NPSR1: variants seen among roughly 807,000 people sequenced by gnomAD.
NPSR1 encodes neuropeptide S receptor 1, also known as neuropeptide S receptor.
Under a neutral mutation model 46.9 loss-of-function variants are expected in NPSR1, and 48 were observed. That is an observed-to-expected ratio of 1.02 (90% confidence interval 0.81 to 1.30). The LOEUF is 1.30. Ranked by LOEUF, NPSR1 falls within the 50% of genes most tolerant of loss-of-function variation. The probability of loss-of-function intolerance (pLI) is 0.00; values close to 1 mark genes in which losing one functional copy is unlikely to be tolerated. For missense variants in NPSR1, 450 were observed against 449.5 expected (o/e 1.00, Z -0.01); for synonymous variants, 176 against 168.1 (o/e 1.05, Z -0.36).
intron 8 of NPSR1, among the ~76,000 whole-genome samples, chr7:34,863,510 C>A (rs1791237527): frequency 6.6e-6 from 1 of 151,718 alleles, no homozygotes; most frequent in Admixed American, 6.6e-5. Flanking sequence ...CCAGAATCTA[C>A]AAAGAACTTA....
intron 3 of NPSR1, among the ~76,000 whole-genome samples, chr7:34,789,883 A>G (rs774013563): frequency 6.6e-6 from 1 of 152,094 alleles, no homozygotes; most frequent in Non-Finnish European, 1.5e-5. Flanking sequence ...TCAGTAATAA[A>G]ATGTTTCCAT....
chr7:34,725,418 G>A (rs1169698431), intron 2 of NPSR1, among the ~76,000 whole-genome samples: 1 of 152,214 alleles, frequency 6.6e-6, no homozygotes, highest in African/African-American at 2.4e-5. Context: ...GTTGGTAAGT[G>A]TTGGTTTTGA....
chr7:34,684,659 C>G lies in NPSR1; in HGVS notation c.255C>G (p.Phe85Leu). ...GAAAGAAGAAGTCAAGAATGACCTTCTTTGTGACTCAGCTGGCCATCACAG... is the reference window on the plus strand; with the variant it reads ...GAAAGAAGAAGTCAAGAATGACCTTGTTTGTGACTCAGCTGGCCATCACAG... ...WRRKKKSRMTFFVTQLAITDS... is the reference protein window; with the variant it reads ...WRRKKKSRMTLFVTQLAITDS... The change falls in exon 2 of 9, where the codon TTC (phenylalanine) becomes TTG (leucine). Residue 85 changes from phenylalanine (F) to leucine (L), a missense_variant. By Grantham distance (22) the Phe-to-Leu change is conservative. Coordinates refer to ENST00000360581, the MANE Select transcript of NPSR1 (RefSeq NM_207172.2). 1 of 1,612,706 alleles carries G rather than the reference C, an allele frequency of 6.2e-7. No homozygotes were observed. Among genetic ancestry groups the G allele is most frequent in the Non-Finnish European group, 8.5e-7 (1 of 1,179,488 alleles).
intron 8 of NPSR1, among the ~76,000 whole-genome samples, chr7:34,875,983 A>G (rs1791566035): frequency 6.6e-6 from 1 of 152,138 alleles, no homozygotes; most frequent in South Asian, 2.1e-4. Context: ...CTCCTTGGAC[A>G]CACTGCAAGG....
chr7:34,791,160 A>ATATATGTTATATATTATATATAATATGT (rs1787840566), intron 3 of NPSR1, among the ~76,000 whole-genome samples: 3 of 102,406 alleles, frequency 2.9e-5, no homozygotes, highest in African/African-American at 9.9e-5. Context: ...GTTATATATT[A>ATATATGTTATATATTATATATAATATGT]TATATGTTAT....
intron 2 of NPSR1, among the ~76,000 whole-genome samples, chr7:34,740,811 C>T (rs1049687540): frequency 6.6e-5 from 10 of 152,106 alleles, no homozygotes; most frequent in Admixed American, 3.3e-4. Flanking sequence ...TGGGTTCTCT[C>T]GGCTTTCCTG....
intron 2 of NPSR1, among the ~76,000 whole-genome samples, chr7:34,703,302 C>T (rs1329483962): frequency 6.6e-6 from 1 of 152,180 alleles, no homozygotes; most frequent in Non-Finnish European, 1.5e-5. Context: ...ACCCGGGAAG[C>T]GGAGCTCGCA....
rs34203443 is a variant in NPSR1 at position 34,733,418 on chromosome 7, TAAAAAAA to T, written c.281-45034_281-45028del. Among the ~76,000 whole-genome samples the T allele has an allele frequency of 9.5e-4, 125 of 131,780 alleles. 1 individual carries two copies. Among genetic ancestry groups the T allele is most frequent in the African/African-American group, 3.5e-3 (122 of 34,860 alleles). The allele number at this position is 131,780 out of a possible 152,430, so 86.5% of individuals were successfully genotyped here. A position where few individuals can be genotyped will look rare whatever the true frequency, so the allele number is the denominator to read the frequency against. ...TGGGTAACAAAGCAAGATTTTGTCT[TAAAAAAA>T]AAAAAAAAAGAAAAAGAAAAAGAAA... On this transcript the variant is annotated intron_variant, in intron 2 of 8. Coordinates refer to ENST00000360581, the MANE Select transcript of NPSR1 (RefSeq NM_207172.2).
chr7:34,767,312 T>G (rs1301273472), intron 2 of NPSR1, among the ~76,000 whole-genome samples: 1 of 152,176 alleles, frequency 6.6e-6, no homozygotes, highest in Non-Finnish European at 1.5e-5. Context: ...AATAAACACT[T>G]TAAAACATTC....
chr7:34,711,699 C>A (rs1031210268), intron 2 of NPSR1, among the ~76,000 whole-genome samples: 2 of 152,236 alleles, frequency 1.3e-5, no homozygotes, highest in South Asian at 4.1e-4. Context: ...AGACGATGCA[C>A]ATAAAATGCC....
At chr7:34,804,204 A>G (rs2128748525) in intron 3 of NPSR1, among the ~76,000 whole-genome samples, 1 of 152,242 alleles carries the variant, frequency 6.6e-6, no homozygotes, top group Admixed American at 6.5e-5. Flanking sequence ...AATGATATTA[A>G]AAGAAAGGAA....
chr7:34,814,643 G>A (rs1358138426), intron 4 of NPSR1, among the ~76,000 whole-genome samples: 2 of 152,178 alleles, frequency 1.3e-5, no homozygotes, highest in East Asian at 1.9e-4. Context: ...TCCCAGTAGG[G>A]GCCAACAGAC....
At chr7:34,716,453 C>G (rs1221268359) in intron 2 of NPSR1, among the ~76,000 whole-genome samples, 1 of 152,160 alleles carries the variant, frequency 6.6e-6, no homozygotes, top group Non-Finnish European at 1.5e-5. Flanking sequence ...GTTTCTGGTT[C>G]AAATCCTCGT....
chr7:34,801,445 T>A (rs1489195986), intron 3 of NPSR1, among the ~76,000 whole-genome samples: 1 of 49,822 alleles, frequency 2.0e-5, no homozygotes, highest in South Asian at 8.6e-4. Context: ...ATCCAGTATA[T>A]AAACAGAACC....
intron 2 of NPSR1, among the ~76,000 whole-genome samples, chr7:34,695,633 C>A (rs1174316074): frequency 6.6e-6 from 1 of 151,898 alleles, no homozygotes; most frequent in Non-Finnish European, 1.5e-5. Context: ...CCATTAAAAA[C>A]TGGGCAAAAG....
intron 3 of NPSR1, among the ~76,000 whole-genome samples, chr7:34,806,346 G>A (rs146508432): frequency 6.6e-6 from 1 of 151,968 alleles, no homozygotes; most frequent in Non-Finnish European, 1.5e-5. Flanking sequence ...TAACAAAATG[G>A]GCTATCCAGC....
Position 34,758,839 on chromosome 7 carries a change from C to A in NPSR1, c.281-19623C>A, listed in dbSNP as rs80024930. On this transcript the variant is annotated intron_variant, in intron 2 of 8. Transcript: ENST00000360581. Reference sequence around the variant, plus strand: ...AGAACATCCTTTTTAGCACAAAAAACCCCGAATCATGTATTGTATTCAGTT... The same window carrying A: ...AGAACATCCTTTTTAGCACAAAAAAACCCGAATCATGTATTGTATTCAGTT... Among the ~76,000 whole-genome samples the A allele has an allele frequency of 7.6e-3, 1,154 of 152,290 alleles. 11 individuals carry two copies. The highest frequency in any genetic ancestry group is 0.013 in the Non-Finnish European group (862 of 68,022).
In NPSR1 at chr7:34,722,986, C is replaced by T. The variant is rs553441254; in HGVS notation, c.280+38302C>T. Among the ~76,000 whole-genome samples, 13 of 152,294 alleles carry T rather than the reference C, an allele frequency of 8.5e-5. No homozygotes were observed. In the South Asian group the frequency reaches 2.1e-3, roughly 24 times the overall value. ...ATTATTTGACCTGTGTCACAGTGGC[C>T]TTTCCCAGCCAAATTGCAAACAGAG... On this transcript the variant is annotated intron_variant, in intron 2 of 8. Coordinates refer to ENST00000360581, the MANE Select transcript of NPSR1 (RefSeq NM_207172.2).
At chr7:34,724,300 T>C (rs1394042923) in intron 2 of NPSR1, among the ~76,000 whole-genome samples, 1 of 152,238 alleles carries the variant, frequency 6.6e-6, no homozygotes, top group Non-Finnish European at 1.5e-5. Flanking sequence ...GAATGCATGT[T>C]ATATAAGTTT....
Sources: allele counts gnomAD v4.1 joint callset (sites outside exome capture counted in the v4.1 genomes callset), GRCh38; gene constraint gnomAD v4.1.1; transcripts MANE v1.5; gene names NCBI Gene and HGNC (gene_info 2026-07-23, HGNC 2026-07-21).